Variants in SLC8B1 observed in about 807,000 individuals in gnomAD.
The protein encoded by SLC8B1 is mitochondrial sodium/calcium exchanger protein.
Under a neutral mutation model 63.4 loss-of-function variants are expected in SLC8B1, and 52 were observed. The observed-to-expected ratio is 0.82, with a 90% CI of 0.66 to 1.03. SLC8B1 has a LOEUF of 1.03. Among genes scored for constraint, SLC8B1 ranks in the 50% least tolerant of loss-of-function variants. The probability of loss-of-function intolerance (pLI) is 0.00; values close to 1 mark genes in which losing one functional copy is unlikely to be tolerated. For missense variants in SLC8B1, 657 were observed against 741.7 expected, an observed-to-expected ratio of 0.89 and a Z score of 1.33; for synonymous variants, 336 against 323.9, an observed-to-expected ratio of 1.04 and a Z score of -0.40.
At chr12:113,325,865 G>C (rs1956991249) in intron 2 of SLC8B1, among the ~76,000 whole-genome samples, 1 of 152,140 alleles carries the variant, frequency 6.6e-6, no homozygotes, top group South Asian at 2.1e-4. Flanking sequence ...GCCCAGCCCT[G>C]AATTTTTTTT....
chr12:113,303,770 A>C (rs1379042570), intron 15 of SLC8B1, among the ~76,000 whole-genome samples: 1 of 150,828 alleles, frequency 6.6e-6, no homozygotes, highest in African/African-American at 2.5e-5. Context: ...GTGCTGGGAT[A>C]TGGTGCTCAG....
At chr12:113,311,222 G>A (rs1013475086) in intron 11 of SLC8B1, among the ~76,000 whole-genome samples, 26 of 152,176 alleles carry the variant, frequency 1.7e-4, no homozygotes, top group Non-Finnish European at 3.7e-4. Context: ...AAGCTGAGGC[G>A]GGTGGATCAC....
In SLC8B1 at chr12:113,332,799, G is replaced by A. The variant is rs375292232; in HGVS notation, c.80C>T (p.Thr27Ile). The A allele has an allele frequency of 6.2e-7, 1 of 1,614,182 alleles. No homozygotes were observed. Among genetic ancestry groups the A allele is most frequent in the South Asian group, 1.1e-5 (1 of 91,086 alleles). Reference sequence around the variant, plus strand: ...GTGAGCTCCTGTAGACGAGCCCCTAGTCCCAGACACTGTCTCCGCCATTAG... The same window carrying A: ...GTGAGCTCCTGTAGACGAGCCCCTAATCCCAGACACTGTCTCCGCCATTAG... ...VLLMAETVSG[T>I]RGSSTGAHIS... The change falls in exon 2 of 16, where the codon ACT (threonine) becomes ATT (isoleucine). Residue 27 changes from threonine to isoleucine, a missense_variant. Physicochemically the swap from Thr to Ile is moderately conservative, Grantham distance 89 (BLOSUM62 -1). Transcript: ENST00000680972.
At chr12:113,309,129 A>G (rs185813045) in intron 12 of SLC8B1, among the ~76,000 whole-genome samples, 10 of 152,286 alleles carry the variant, frequency 6.6e-5, no homozygotes, top group African/African-American at 2.4e-4. Context: ...TGTTGGGATT[A>G]CAGGCGTGAG....
intron 11 of SLC8B1, among the ~76,000 whole-genome samples, chr12:113,314,037 A>G (rs1454420290): frequency 6.6e-6 from 1 of 152,122 alleles, no homozygotes; most frequent in Non-Finnish European, 1.5e-5. Context: ...ATAAATAAAT[A>G]AATAAATAAA....
At chr12:113,329,022 A>G (rs1319796830) in intron 2 of SLC8B1, among the ~76,000 whole-genome samples, 6 of 152,010 alleles carry the variant, frequency 3.9e-5, no homozygotes, top group African/African-American at 1.5e-4. Flanking sequence ...AAGTGCTGGG[A>G]TTACAGGTGT....
rs1956916253 is a variant in SLC8B1, at chr12:113,320,842, A to G, written c.420+8T>C. ...CTCCAGGGTGCAGGACACTGGACAA[A>G]AGGATACTGCCACGTTGTGGGAGAG... On this transcript the variant is annotated splice_region_variant and intron_variant, in intron 5 of 15. Coordinates refer to ENST00000680972, the MANE Select transcript of SLC8B1 (RefSeq NM_001358345.2). This position sits in a 1 kb window ranked among gnomAD's most constrained non-coding sequence, Gnocchi z 5.3. 1 of 1,600,908 alleles carries G rather than the reference A, an allele frequency of 6.2e-7. No individual in the cohort carries two copies. Among genetic ancestry groups the G allele is most frequent in the Non-Finnish European group, 8.5e-7 (1 of 1,175,006 alleles).
rs183386147 is a variant in SLC8B1, at chr12:113,300,275, C to T, written c.1558-301G>A. 2.6e-3 allele frequency among the ~76,000 whole-genome samples: 402 copies of T among 152,196 alleles called. 3 individuals carry two copies. The highest frequency in any genetic ancestry group is 8.4e-3 in the African/African-American group (350 of 41,524). ...GGTGGATCACCTGAGGTCAGGAGTT[C>T]GACCTGTATTGGCCAGGAGTTCGAG... On this transcript the variant is annotated intron_variant, in intron 15 of 15. Coordinates refer to ENST00000680972, the MANE Select transcript of SLC8B1 (RefSeq NM_001358345.2).
chr12:113,316,865 C>A, intron 9 of SLC8B1, 77 bp downstream of exon 9: 1 of 1,541,878 alleles, frequency 6.5e-7, no homozygotes, highest in Middle Eastern at 2.1e-4. Context: ...GAGCCCAGGT[C>A]TTGGAGGGCC....
chr12:113,321,090 G>C lies in SLC8B1; in HGVS notation c.328C>G (p.Leu110Val). The change falls in exon 4 of 16, where the codon CTG (leucine) becomes GTG (valine). Residue 110 changes from leucine to valine, a missense_variant. Leu to Val is a conservative substitution (Grantham distance 32). Transcript: ENST00000680972. ...GCGGTGACTCCCAGAATCAGAAACA[G>C]GTAGAGCAGCCAGGAAACCTGGGTG... ...VTLYVSWLLYLFLILGVTAAK... is the reference protein window; with the variant it reads ...VTLYVSWLLYVFLILGVTAAK... 1 of 1,613,966 alleles carries C rather than the reference G, an allele frequency of 6.2e-7. No individual in the cohort carries two copies. The highest frequency in any genetic ancestry group is 1.3e-5 in the African/African-American group (1 of 75,046).
chr12:113,325,641 G>A (rs941690252), intron 2 of SLC8B1, among the ~76,000 whole-genome samples: 1 of 149,614 alleles, frequency 6.7e-6, no homozygotes, highest in Non-Finnish European at 1.5e-5. Flanking sequence ...CTCGGCTCAC[G>A]GCAAGTTCCG....
intron 11 of SLC8B1, 152 bp from the exon 12 acceptor site, chr12:113,310,507 C>A (rs1956742924): frequency 1.0e-6 from 1 of 980,686 alleles, no homozygotes; most frequent in Non-Finnish European, 1.4e-6. Flanking sequence ...GCAGCCCCTG[C>A]CCTCAAGTTA....
chr12:113,321,688 A>G (rs1395796902), intron 2 of SLC8B1, among the ~76,000 whole-genome samples: 1 of 152,024 alleles, frequency 6.6e-6, no homozygotes, highest in Non-Finnish European at 1.5e-5. Context: ...CAGATCAATT[A>G]TATTTGTATA....
chr12:113,306,778 C>A lies in SLC8B1; in HGVS notation c.1412-203G>T, dbSNP rs889971200. ...CACTTCCCTCCTTAATTCCTTTACC[C>A]CACTCTTTCACACCAGGAACAACTT... On this transcript the variant is annotated intron_variant, in intron 13 of 15. Coordinates refer to ENST00000680972, the MANE Select transcript of SLC8B1 (RefSeq NM_001358345.2). The A allele has an allele frequency of 1.5e-3, 870 of 564,982 alleles. 6 individuals carry two copies. Among genetic ancestry groups the A allele is most frequent in the African/African-American group, 0.013 (717 of 53,562 alleles). 35.0% of individuals were successfully genotyped at this position (564,982 alleles called of 1,614,324 possible).
intron 11 of SLC8B1, among the ~76,000 whole-genome samples, chr12:113,312,162 G>A (rs1360827216): frequency 6.6e-5 from 10 of 152,028 alleles, no homozygotes; most frequent in African/African-American, 1.9e-4. Context: ...GGCTGGGTGC[G>A]GTGGCTCACA....
chr12:113,316,703 T>G (rs201732490), intron 9 of SLC8B1, 47 bp from the exon 10 acceptor site: 1 of 1,603,156 alleles, frequency 6.2e-7, no homozygotes, highest in Non-Finnish European at 8.5e-7. Context: ...GCTGACTTGC[T>G]CTCCAGGAAA....
rs550995599 is a variant in SLC8B1, at chr12:113,309,629, G to A, written c.1257+605C>T. ...AAATTAGCTGGGCGTGGTGGCTTGC[G>A]CCTGTAGTCCCATCTACTTGGGGGG... On this transcript the variant is annotated intron_variant, in intron 12 of 15. Transcript: ENST00000680972. Among the ~76,000 whole-genome samples the A allele has an allele frequency of 3.7e-4, 57 of 152,232 alleles. No homozygotes were observed. The Middle Eastern group carries it at 0.014, about 36-fold the overall frequency.
rs1431535257 is a variant in SLC8B1 at position 113,298,930 on chromosome 12, C to CT, written c.*846dup. 33 of 152,432 alleles carry CT rather than the reference C, an allele frequency of 2.2e-4. No individual in the cohort carries two copies. Among genetic ancestry groups the CT allele is most frequent in the African/African-American group, 7.7e-4 (32 of 41,594 alleles). The allele number at this position is 152,432 out of a possible 1,614,324, so 9.4% of individuals were successfully genotyped here. On this transcript the variant is annotated 3_prime_UTR_variant, in exon 16 of 16. Transcript: ENST00000680972. The stretch of plus-strand genomic sequence containing the variant: ...AAGGCACGAGGTCCCCTCATCTGTC[C>CT]TTTCCCAGCTCGCAGGCCTTGGAAC...
At position 113,310,292 on chromosome 12, in the gene SLC8B1, G is replaced by A. The variant is rs771757741; in HGVS notation, c.1199C>T (p.Ala400Val). 2 of 1,614,072 alleles carry A rather than the reference G, an allele frequency of 1.2e-6. No homozygotes were observed. The highest frequency in any genetic ancestry group is 2.2e-5 in the South Asian group (2 of 91,080). ...GGCAAAAAAGGTCACTGAAGCCAAGGCTGTGCCTGCGATCACCACCACGAC... is the reference window on the plus strand; with the variant it reads ...GGCAAAAAAGGTCACTGAAGCCAAGACTGTGCCTGCGATCACCACCACGAC... ...VWVVVVIAGTALASVTFFATS... is the reference protein window; with the variant it reads ...VWVVVVIAGTVLASVTFFATS... Residue 400 changes from alanine to valine, a missense_variant, in exon 12 of 16, where the codon GCC becomes GTC. Ala to Val is a moderately conservative substitution (Grantham distance 64, BLOSUM62 0). Transcript: ENST00000680972.
Sources: gnomAD v4.1 joint callset for allele counts (sites outside exome capture counted in the v4.1 genomes callset) on GRCh38, gnomAD v4.1.1 for gene constraint, Gnocchi (gnomAD v3.1) non-coding constraint, MANE v1.5 for transcripts, NCBI Gene and HGNC (gene_info 2026-07-23, HGNC 2026-07-21) for gene names.